Variants in KIAA1217 observed in about 807,000 individuals in gnomAD.
The protein encoded by KIAA1217 is KIAA1217.
KIAA1217 carries 88 observed loss-of-function variants against 163.9 expected under a neutral mutation model. That is an observed-to-expected ratio of 0.54 (90% CI 0.45 to 0.64). The LOEUF is 0.64. KIAA1217 is among the 30% of genes least tolerant of loss of function. The pLI is 0.00. For missense variants in KIAA1217, 2,372 were observed against 2,475.0 expected, an observed-to-expected ratio of 0.96 and a Z score of 0.88; for synonymous variants, 903 against 923.1, an observed-to-expected ratio of 0.98 and a Z score of 0.39.
intron 1 of KIAA1217, among the ~76,000 whole-genome samples, chr10:23,790,660 T>C (rs138436843): frequency 1.5e-4 from 20 of 137,854 alleles, no homozygotes; most frequent in East Asian, 2.0e-4. Flanking sequence ...TGTATATATA[T>C]ACATATATAT....
chr10:24,049,725 G>A (rs553270187), intron 2 of KIAA1217, among the ~76,000 whole-genome samples: 2 of 152,238 alleles, frequency 1.3e-5, no homozygotes, highest in African/African-American at 4.8e-5. Context: ...CATTTGGGTT[G>A]GTTCCAAGTC....
chr10:24,110,189 ATC>A (rs1231259361), intron 2 of KIAA1217, among the ~76,000 whole-genome samples: 1 of 152,182 alleles, frequency 6.6e-6, no homozygotes, highest in Non-Finnish European at 1.5e-5. Flanking sequence ...AAATTAGTTC[ATC>A]TCTGTCTTCG....
Position 24,531,955 on chromosome 10 carries a change from G to C in KIAA1217, c.3208G>C (p.Val1070Leu). 2 of 1,607,666 alleles carry C rather than the reference G, an allele frequency of 1.2e-6. No individual in the cohort carries two copies. Among genetic ancestry groups the C allele is most frequent in the Non-Finnish European group, 1.7e-6 (2 of 1,176,142 alleles). The change falls in exon 15 of 21, where the codon GTG (valine) becomes CTG (leucine). Residue 1070 changes from valine to leucine, a missense_variant. Physicochemically the swap from Val to Leu is conservative, Grantham distance 32. This residue lies in a region of KIAA1217 where 1,431 missense variants were observed against 1,470.3 expected (regional missense o/e 0.97). Coordinates refer to ENST00000376454, the MANE Select transcript of KIAA1217 (RefSeq NM_019590.5). ...SGLTTTRSGD[V>L]VYTGRKENIT... is the part of the protein sequence containing the mutation. Reference sequence around the variant, plus strand: ...ACTCACCACCACGAGGTCAGGCGATGTGGTCTACACCGGCAGAAAGGAGAA... The same window carrying C: ...ACTCACCACCACGAGGTCAGGCGATCTGGTCTACACCGGCAGAAAGGAGAA...
chr10:23,929,582 T>G (rs1310330182), intron 1 of KIAA1217, among the ~76,000 whole-genome samples: 2 of 152,164 alleles, frequency 1.3e-5, no homozygotes, highest in Non-Finnish European at 1.5e-5. Context: ...TCTGTTCCTG[T>G]GTTAATTTGC....
At chr10:24,185,802 A>T (rs927629613) in intron 2 of KIAA1217, among the ~76,000 whole-genome samples, 5 of 152,016 alleles carry the variant, frequency 3.3e-5, no homozygotes, top group African/African-American at 1.2e-4. Flanking sequence ...TCTCAAAAAA[A>T]AAAATTGCAA....
intron 2 of KIAA1217, among the ~76,000 whole-genome samples, chr10:24,083,628 C>T (rs2061604305): frequency 6.6e-6 from 1 of 152,146 alleles, no homozygotes; most frequent in Non-Finnish European, 1.5e-5. Context: ...TTTTGGAGTA[C>T]TTTGACACAC....
At chr10:23,743,523 T>C (rs965678238) in intron 1 of KIAA1217, among the ~76,000 whole-genome samples, 2 of 152,194 alleles carry the variant, frequency 1.3e-5, no homozygotes, top group Admixed American at 1.3e-4. Context: ...AATTGTACAA[T>C]TATATTTGCT....
At chr10:23,893,402 C>G (rs1236542407) in intron 1 of KIAA1217, among the ~76,000 whole-genome samples, 1 of 151,912 alleles carries the variant, frequency 6.6e-6, no homozygotes, top group Non-Finnish European at 1.5e-5. Context: ...ATTAGTCTTG[C>G]TAGTGGTCTA....
At chr10:24,534,317 C>G (rs1483815933) in intron 16 of KIAA1217, among the ~76,000 whole-genome samples, 1 of 152,186 alleles carries the variant, frequency 6.6e-6, no homozygotes, top group Non-Finnish European at 1.5e-5. Context: ...CCTGGGACAT[C>G]CCCGCAACCA....
chr10:24,062,021 G>A (rs952165196), intron 2 of KIAA1217, among the ~76,000 whole-genome samples: 2 of 151,952 alleles, frequency 1.3e-5, no homozygotes, highest in African/African-American at 4.8e-5. Flanking sequence ...TGCTCATAGT[G>A]TGTACTTGAC....
chr10:24,090,348 T>G (rs2061889470), intron 2 of KIAA1217, among the ~76,000 whole-genome samples: 1 of 133,534 alleles, frequency 7.5e-6, no homozygotes, highest in Admixed American at 7.4e-5. Flanking sequence ...TTTTTTTTTT[T>G]TTTTTTTTTT....
intron 2 of KIAA1217, among the ~76,000 whole-genome samples, chr10:24,372,710 C>T (rs12265240): frequency 0.16 from 24,545 of 152,084 alleles, 2,282 homozygotes; most frequent in South Asian, 0.3. Context: ...CTAATGCTCG[C>T]ATTTGGCTCT....
chr10:23,874,120 G>C (rs534792551), intron 1 of KIAA1217, among the ~76,000 whole-genome samples: 35 of 152,026 alleles, frequency 2.3e-4, no homozygotes, highest in African/African-American at 7.9e-4. Context: ...TATTAACCAA[G>C]TCACGTTTTG....
intron 2 of KIAA1217, among the ~76,000 whole-genome samples, chr10:24,052,257 A>G (rs939792792): frequency 3.3e-5 from 5 of 152,150 alleles, no homozygotes; most frequent in Admixed American, 2.6e-4. Context: ...TATTATGTTT[A>G]TAAGACACAG....
At chr10:24,235,269 A>G (rs945930934) in intron 2 of KIAA1217, among the ~76,000 whole-genome samples, 1 of 152,234 alleles carries the variant, frequency 6.6e-6, no homozygotes, top group African/African-American at 2.4e-5. Context: ...AACCTGGCCA[A>G]GTTGAAACAT....
In KIAA1217 at chr10:23,818,346, A is replaced by ATAT. The variant is rs1491407392; in HGVS notation, c.-321+123112_-321+123113insTAT. ...ATATATATATTTTATATATATATAT[A>ATAT]AAAAAATATATATATATATATATAT... On this transcript the variant is annotated intron_variant, in intron 1 of 18. Transcript: ENST00000376462. Among the ~76,000 whole-genome samples, 140 of 97,640 alleles carry ATAT rather than the reference A, an allele frequency of 1.4e-3. 9 individuals carry two copies. In the East Asian group the frequency reaches 0.028, roughly 20 times the overall value. The allele number at this position is 97,640 out of a possible 152,430, so 64.1% of individuals were successfully genotyped here.
chr10:23,853,445 T>A (rs988703721), intron 1 of KIAA1217, among the ~76,000 whole-genome samples: 1 of 152,216 alleles, frequency 6.6e-6, no homozygotes, highest in African/African-American at 2.4e-5. Context: ...TTTGCATCAA[T>A]GTTCATCAAG....
rs34211302 is a variant in KIAA1217, at chr10:24,361,170, A to ATT, written c.355-19691_355-19690dup. Reference sequence around the variant, plus strand: ...AAACCACATGCCACAAGCACATGCCATTTTTTTTTCTTATTTATGTTATTT... The same window carrying ATT: ...AAACCACATGCCACAAGCACATGCCATTTTTTTTTTTCTTATTTATGTTATTT... On this transcript the variant is annotated intron_variant, in intron 2 of 20. Transcript: ENST00000376454. Among the ~76,000 whole-genome samples the ATT allele has an allele frequency of 5.3e-5, 8 of 150,954 alleles. No individual in the cohort carries two copies. In the South Asian group the frequency reaches 8.4e-4, roughly 16 times the overall value.
At chr10:24,529,955 G>A (rs560366638) in intron 14 of KIAA1217, among the ~76,000 whole-genome samples, 50 of 150,966 alleles carry the variant, frequency 3.3e-4, no homozygotes, top group African/African-American at 1.1e-3. Context: ...CCACCACCAC[G>A]CCTAGCTAAT....
Sources: allele counts gnomAD v4.1 joint callset (sites outside exome capture counted in the v4.1 genomes callset), GRCh38; gene constraint gnomAD v4.1.1; regional missense constraint gnomAD v4.1.1; transcripts MANE v1.5; gene names NCBI Gene and HGNC (gene_info 2026-07-23, HGNC 2026-07-21).